KLHL17: variants seen among roughly 807,000 people sequenced by gnomAD.
KLHL17 encodes kelch-like protein 17.
KLHL17 carries 71 observed loss-of-function variants against 64.6 expected under a neutral mutation model. The observed-to-expected ratio is 1.10, with a 90% CI of 0.91 to 1.34. The LOEUF (loss-of-function observed/expected upper bound fraction) is 1.34, where lower values mean the gene tolerates loss of function less well. Ranked by LOEUF, KLHL17 falls within the 40% of genes most tolerant of loss-of-function variation. The probability of loss-of-function intolerance (pLI) is 0.00; values close to 1 mark genes in which losing one functional copy is unlikely to be tolerated. For missense variants in KLHL17, 1,140 were observed against 935.0 expected, an observed-to-expected ratio of 1.22 and a Z score of -2.86; for synonymous variants, 612 against 405.4, an observed-to-expected ratio of 1.51 and a Z score of -6.12.
rs369440263 is a variant in KLHL17, at chr1:962,369, C to G, written c.726C>G (p.Val242=). The G allele has an allele frequency of 1.2e-6, 2 of 1,612,592 alleles. No individual in the cohort carries two copies. The highest frequency in any genetic ancestry group is 8.5e-7 in the Non-Finnish European group (1 of 1,179,904). The change falls in exon 5 of 12, where the codon GTC becomes GTG. Residue 242 remains valine (V), a synonymous_variant. Coordinates refer to ENST00000338591, the MANE Select transcript of KLHL17 (RefSeq NM_198317.3). ...CCCACTCCCAGGTTCTGGAACTGGT[C>G]TCTAGCGACAGCCTGAACGTGCCTT... ...LLPLKQVLEL[V]SSDSLNVPSE...
rs780175599 is a variant in KLHL17, at chr1:963,387, C to G, written c.1238C>G (p.Thr413Ser). The G allele has an allele frequency of 3.1e-6, 5 of 1,612,658 alleles. No homozygotes were observed. In the South Asian group the frequency reaches 4.4e-5, roughly 14 times the overall value. ...LATVESYDPV[T>S]NTWQPEVSMG... is the part of the protein sequence containing the mutation. Reference sequence around the variant, plus strand: ...ACCGTGGAGTCCTACGACCCCGTGACTAACACGTGGCAGCCGGAGGTGTCC... The same window carrying G: ...ACCGTGGAGTCCTACGACCCCGTGAGTAACACGTGGCAGCCGGAGGTGTCC... Residue 413 changes from threonine (T) to serine (S), a missense_variant, in exon 8 of 12, where the codon ACT (threonine) becomes AGT (serine). Transcript: ENST00000338591.
chr1:960,590 G>T lies in KLHL17; in HGVS notation c.-104G>T. On this transcript the variant is annotated 5_prime_UTR_variant, in exon 1 of 12. Transcript: ENST00000338591. ...GGCTGCGGGCGGGAGCGGCGGGAGTGAGCGACACAGAGCGGGCCGCCACCG... is the reference window on the plus strand; with the variant it reads ...GGCTGCGGGCGGGAGCGGCGGGAGTTAGCGACACAGAGCGGGCCGCCACCG... 2.9e-6 allele frequency: 3 copies of T among 1,023,222 alleles called. No homozygotes were observed. Among genetic ancestry groups the T allele is most frequent in the South Asian group, 2.8e-5 (1 of 35,356 alleles). 63.4% of individuals were successfully genotyped at this position (1,023,222 alleles called of 1,614,324 possible). A position where few individuals can be genotyped will look rare whatever the true frequency, so the allele number is the denominator to read the frequency against.
chr1:962,740 G>T lies in KLHL17; in HGVS notation c.865G>T (p.Asp289Tyr). Residue 289 changes from aspartate to tyrosine, a missense_variant, in exon 6 of 12, where the codon GAC becomes TAC. Transcript: ENST00000338591. ...TGTGCGGCTGCCCTTGCTGAGCCGC[G>T]ACTTCCTGCTGGGCCACGTGGATGC... ...KCVRLPLLSR[D>Y]FLLGHVDAES... is the part of the protein sequence containing the mutation. 2 of 1,609,932 alleles carry T rather than the reference G, an allele frequency of 1.2e-6. No homozygotes were observed. Among genetic ancestry groups the T allele is most frequent in the South Asian group, 1.1e-5 (1 of 90,984 alleles).
Position 965,670 on chromosome 1 carries a change from C to A in KLHL17, c.*479C>A. ...GGTGCACACGCGTGCACTGGGACCC[C>A]ACACAGCAATACGAGTCCAACTTAA... On this transcript the variant is annotated 3_prime_UTR_variant, in exon 12 of 12. Transcript: ENST00000338591. 1 of 168,202 alleles carries A rather than the reference C, an allele frequency of 5.9e-6. No individual in the cohort carries two copies. The highest frequency in any genetic ancestry group is 1.7e-4 in the South Asian group (1 of 5,798). 10.4% of individuals were successfully genotyped at this position (168,202 alleles called of 1,614,324 possible). A position where few individuals can be genotyped will look rare whatever the true frequency, so the allele number is the denominator to read the frequency against.
rs1201626622 is a variant in KLHL17 at position 961,475 on chromosome 1, A to G, written c.290A>G (p.His97Arg). The change falls in exon 2 of 12, where the codon CAC (histidine) becomes CGC (arginine). Residue 97 changes from histidine (H) to arginine (R), a missense_variant. By Grantham distance (29) the His-to-Arg change is conservative. Transcript: ENST00000338591. ...GGCCTCCTGTGCGACATCGTCCTGC[A>G]CGTGGCTGCCAAGGAGATCCGTGCG... ...QRGLLCDIVL[H>R]VAAKEIRAHK... 4.3e-6 allele frequency: 7 copies of G among 1,612,372 alleles called. No individual in the cohort carries two copies. In the Admixed American group the frequency reaches 1.2e-4, roughly 27 times the overall value.
rs867193163 is a variant in KLHL17 at position 963,444 on chromosome 1, C to T, written c.1295C>T (p.Ala432Val). The change falls in exon 8 of 12, where the codon GCC becomes GTC. Residue 432 changes from alanine to valine, a missense_variant. By Grantham distance (64) the Ala-to-Val change is moderately conservative. Transcript: ENST00000338591. ...MGTRRSCLGV[A>V]ALHGLLYSAG... Reference sequence around the variant, plus strand: ...ACAAGGCGAAGCTGCCTGGGTGTGGCCGCCTTGCATGGACTCCTGTACTCG... The same window carrying T: ...ACAAGGCGAAGCTGCCTGGGTGTGGTCGCCTTGCATGGACTCCTGTACTCG... The T allele has an allele frequency of 1.2e-6, 2 of 1,612,618 alleles. No individual in the cohort carries two copies. Among genetic ancestry groups the T allele is most frequent in the African/African-American group, 1.3e-5 (1 of 75,062 alleles).
chr1:962,625 G>A, intron 5 of KLHL17, 79 bp from the exon 6 acceptor site: 3 of 1,524,036 alleles, frequency 2.0e-6, no homozygotes, highest in African/African-American at 1.4e-5. Context: ...GGTGGTACGG[G>A]CATCTGGGGG....
In KLHL17 at chr1:963,554, G is replaced by A. The variant is rs190933350; in HGVS notation, c.1355+50G>A. 425 of 1,543,718 alleles carry A rather than the reference G, an allele frequency of 2.8e-4. 1 individual carries two copies. In the East Asian group the frequency reaches 6.8e-3, roughly 25 times the overall value. On this transcript the variant is annotated intron_variant, in intron 8 of 11. Transcript: ENST00000338591. The stretch of plus-strand genomic sequence containing the variant: ...GCTTTGTACAGTCCATCTGCAAGAG[G>A]CAAGTTTGTGTCACCATCACAGGGG...
chr1:960,750 C>G lies in KLHL17; in HGVS notation c.57C>G (p.Ser19Arg). 1 of 1,192,264 alleles carries G rather than the reference C, an allele frequency of 8.4e-7. No individual in the cohort carries two copies. The highest frequency in any genetic ancestry group is 1.6e-5 in the African/African-American group (1 of 62,086). 73.9% of individuals were successfully genotyped at this position (1,192,264 alleles called of 1,614,324 possible). ...GGACGCAGAGCCCGGAGCACGGCAG[C>G]CCGGGGCCCGGGCCCGAGGCGCCGC... ...AGRTQSPEHG[S>R]PGPGPEAPPP... Residue 19 changes from serine to arginine, a missense_variant, in exon 1 of 12, where the codon AGC (serine) becomes AGG (arginine). Physicochemically the swap from Ser to Arg is moderately radical, Grantham distance 110. Coordinates refer to ENST00000338591, the MANE Select transcript of KLHL17 (RefSeq NM_198317.3).
chr1:963,912 G>C lies in KLHL17; in HGVS notation c.1356-8G>C. ...GCTGAGCTGTGGCTGCGGTCCTGGT[G>C]CCCACAGTGCTGAACGCTACGACCC... is the stretch of plus-strand genomic sequence containing the variant. On this transcript the variant is annotated splice_region_variant and splice_polypyrimidine_tract_variant and intron_variant, in intron 8 of 11. Transcript: ENST00000338591. 6.2e-7 allele frequency: 1 copy of C among 1,612,010 alleles called. No homozygotes were observed. The highest frequency in any genetic ancestry group is 8.5e-7 in the Non-Finnish European group (1 of 1,179,758).
chr1:964,236 C>G, intron 10 of KLHL17, 56 bp downstream of exon 10: 1 of 1,603,898 alleles, frequency 6.2e-7, no homozygotes, highest in South Asian at 1.1e-5. Context: ...GGCCCTCCTC[C>G]CTCTGTTTAC....
At chr1:962,956 T>G (rs1329632050) in intron 6 of KLHL17, 39 bp downstream of exon 6, 1 of 1,523,920 alleles carries the variant, frequency 6.6e-7, no homozygotes, top group African/African-American at 1.4e-5. Flanking sequence ...CCCTGTGCCT[T>G]CTACTCCCCA....
chr1:964,324 G>A (rs1167311737), intron 10 of KLHL17, 25 bp from the exon 11 acceptor site: 11 of 1,550,878 alleles, frequency 7.1e-6, no homozygotes, highest in African/African-American at 4.1e-5. Context: ...GCGGGTCTGC[G>A]TCCAGCCCAC....
At chr1:962,634 G>T in intron 5 of KLHL17, 70 bp from the exon 6 acceptor site, 1 of 1,529,796 alleles carries the variant, frequency 6.5e-7, no homozygotes, top group East Asian at 2.3e-5. Flanking sequence ...GGCATCTGGG[G>T]GGTTGTCTCA....
Position 960,717 on chromosome 1 carries a change from G to C in KLHL17, c.24G>C (p.Pro8=), listed in dbSNP as rs1201704949. ...GAATGCAGCCCCGCAGCGAGCGCCC[G>C]GCCGGCAGGACGCAGAGCCCGGAGC... The part of the protein sequence containing the change: MQPRSER[P]AGRTQSPEHG... The change falls in exon 1 of 12, where the codon CCG becomes CCC. Residue 8 remains proline (P), a synonymous_variant. Coordinates refer to ENST00000338591, the MANE Select transcript of KLHL17 (RefSeq NM_198317.3). 122 of 1,349,212 alleles carry C rather than the reference G, an allele frequency of 9.0e-5. No individual in the cohort carries two copies. The highest frequency in any genetic ancestry group is 1.1e-4 in the Non-Finnish European group (117 of 1,043,206). The allele number at this position is 1,349,212 out of a possible 1,614,324, so 83.6% of individuals were successfully genotyped here. A position where few individuals can be genotyped will look rare whatever the true frequency, so the allele number is the denominator to read the frequency against.
At position 960,803 on chromosome 1, in the gene KLHL17, G is replaced by C. The variant is rs1298160078; in HGVS notation, c.107+3G>C. On this transcript the variant is annotated splice_donor_region_variant and intron_variant, in intron 1 of 11. Coordinates refer to ENST00000338591, the MANE Select transcript of KLHL17 (RefSeq NM_198317.3). ...CCTCCACCGCCGCAGCCGCCGGCGT[G>C]AGTGGGCGGGGGTCGGGGCGCGGGG... is the stretch of plus-strand genomic sequence containing the variant. 9.7e-7 allele frequency: 1 copy of C among 1,035,368 alleles called. No homozygotes were observed. The allele number at this position is 1,035,368 out of a possible 1,614,324, so 64.1% of individuals were successfully genotyped here.
In KLHL17 at chr1:964,156, C is replaced by G. The variant is rs377373494; in HGVS notation, c.1494C>G (p.Ala498=). The G allele has an allele frequency of 1.2e-6, 2 of 1,612,588 alleles. No individual in the cohort carries two copies. The highest frequency in any genetic ancestry group is 2.7e-5 in the African/African-American group (2 of 74,912). The change falls in exon 10 of 12, where the codon GCC becomes GCG. Residue 498 remains alanine, a synonymous_variant. Transcript: ENST00000338591. The part of the protein sequence containing the change: ...VGGYDSSSHL[A]TVEKYEPQVN... ...GCTACGACAGCTCCTCACACCTGGCCACTGTGGAGAAGTATGAGCCCCAGG... is the reference window on the plus strand; with the variant it reads ...GCTACGACAGCTCCTCACACCTGGCGACTGTGGAGAAGTATGAGCCCCAGG...
At position 960,689 on chromosome 1, in the gene KLHL17, G is replaced by C; in HGVS notation, c.-5G>C. On this transcript the variant is annotated 5_prime_UTR_variant, in exon 1 of 12. Coordinates refer to ENST00000338591, the MANE Select transcript of KLHL17 (RefSeq NM_198317.3). The stretch of plus-strand genomic sequence containing the variant: ...CCGCGAATCGGCGGTGGGTCCGGCA[G>C]CCGAATGCAGCCCCGCAGCGAGCGC... 1 of 1,376,102 alleles carries C rather than the reference G, an allele frequency of 7.3e-7. No individual in the cohort carries two copies. The highest frequency in any genetic ancestry group is 1.4e-5 in the South Asian group (1 of 70,212). 85.2% of individuals were successfully genotyped at this position (1,376,102 alleles called of 1,614,324 possible). A position where few individuals can be genotyped will look rare whatever the true frequency, so the allele number is the denominator to read the frequency against.
rs370965813 is a variant in KLHL17 at position 963,168 on chromosome 1, C to A, written c.1102C>A (p.Arg368Ser). 5 of 1,610,490 alleles carry A rather than the reference C, an allele frequency of 3.1e-6. No homozygotes were observed. The highest frequency in any genetic ancestry group is 4.2e-6 in the Non-Finnish European group (5 of 1,178,512). Residue 368 changes from arginine (R) to serine (S), a missense_variant, in exon 7 of 12, where the codon CGC (arginine) becomes AGC (serine). Coordinates refer to ENST00000338591, the MANE Select transcript of KLHL17 (RefSeq NM_198317.3). ...TGAGGCCTACGACACGCGCACCGACCGCTGGCACGTGGTGGCCTCCATGTC... is the reference window on the plus strand; with the variant it reads ...TGAGGCCTACGACACGCGCACCGACAGCTGGCACGTGGTGGCCTCCATGTC... ...DCEAYDTRTD[R>S]WHVVASMSTR...
Sources: allele counts gnomAD v4.1 joint callset, GRCh38; gene constraint gnomAD v4.1.1; transcripts MANE v1.5; gene names NCBI Gene and HGNC (gene_info 2026-07-23, HGNC 2026-07-21).